KLHL29: variants seen among roughly 807,000 people sequenced by gnomAD.
KLHL29 encodes kelch-like protein 29.
Under a neutral mutation model 80.4 loss-of-function variants are expected in KLHL29, and 21 were observed. The ratio of observed to expected loss-of-function variants is 0.26; its 90% confidence interval spans 0.19 to 0.38. The LOEUF (loss-of-function observed/expected upper bound fraction) is 0.38. Ranked by LOEUF, KLHL29 falls within the 10% of genes least tolerant of loss-of-function variation. KLHL29 has a pLI of 1.00. For missense variants in KLHL29, 867 were observed against 1,223.9 expected, an observed-to-expected ratio of 0.71 and a Z score of 4.35; for synonymous variants, 511 against 526.8, an observed-to-expected ratio of 0.97 and a Z score of 0.41.
Position 23,696,708 on chromosome 2 carries a change from A to C in KLHL29, c.2105+195A>C. ...GTGTGGGATACAAGCAGATGGGATG[A>C]CATCTGTGTCACCTTTGCAGTCGCT... On this transcript the variant is annotated intron_variant, in intron 11 of 13. Coordinates refer to ENST00000486442, the MANE Select transcript of KLHL29 (RefSeq NM_052920.2). This position sits in a 1 kb window ranked among gnomAD's most constrained non-coding sequence, Gnocchi z 5.5. 2 of 531,926 alleles carry C rather than the reference A, an allele frequency of 3.8e-6. No individual in the cohort carries two copies. The highest frequency in any genetic ancestry group is 2.5e-5 in the South Asian group (1 of 39,356). The allele number at this position is 531,926 out of a possible 1,614,324, so 33.0% of individuals were successfully genotyped here. A position where few individuals can be genotyped will look rare whatever the true frequency, so the allele number is the denominator to read the frequency against.
chr2:23,529,996 C>G (rs557933154), intron 2 of KLHL29, among the ~76,000 whole-genome samples: 1 of 151,446 alleles, frequency 6.6e-6, no homozygotes, highest in African/African-American at 2.5e-5. Flanking sequence ...GGCTCAGCTG[C>G]GGCACTTCAG....
intron 5 of KLHL29, among the ~76,000 whole-genome samples, chr2:23,674,645 A>G (rs1298017705): frequency 6.6e-6 from 1 of 152,156 alleles, no homozygotes; most frequent in Admixed American, 6.5e-5. Flanking sequence ...GTTCTTCCAC[A>G]TGAAGACATG....
At position 23,656,861 on chromosome 2, in the gene KLHL29, C is replaced by G. The variant is rs556969522; in HGVS notation, c.940+14011C>G. ...GAAACTCCCTAAGAAGGGCTTGGCC[C>G]TCCCCGCCTGCACGGTGTTTCATCG... On this transcript the variant is annotated intron_variant, in intron 5 of 13. Coordinates refer to ENST00000486442, the MANE Select transcript of KLHL29 (RefSeq NM_052920.2). Among the ~76,000 whole-genome samples, 127 of 151,884 alleles carry G rather than the reference C, an allele frequency of 8.4e-4. 1 individual carries two copies. The highest frequency in any genetic ancestry group is 2.9e-3 in the African/African-American group (122 of 41,388).
At chr2:23,528,000 C>A (rs1162654536) in intron 2 of KLHL29, among the ~76,000 whole-genome samples, 6 of 152,144 alleles carry the variant, frequency 3.9e-5, no homozygotes, top group African/African-American at 1.2e-4. Context: ...GAGTTAATGG[C>A]GGCTGTGAAT....
At chr2:23,446,521 C>A (rs546013186) in intron 1 of KLHL29, among the ~76,000 whole-genome samples, 88 of 152,332 alleles carry the variant, frequency 5.8e-4, no homozygotes, top group African/African-American at 1.9e-3. Context: ...CCTGTGGATA[C>A]TCTAAAAGCT....
At position 23,385,529 on chromosome 2, in the gene KLHL29, C is replaced by A; in HGVS notation, c.-405C>A. 1 of 169,440 alleles carries A rather than the reference C, an allele frequency of 5.9e-6. No individual in the cohort carries two copies. Among genetic ancestry groups the A allele is most frequent in the Non-Finnish European group, 1.4e-5 (1 of 69,740 alleles). 10.5% of individuals were successfully genotyped at this position (169,440 alleles called of 1,614,324 possible). ...ACAGGCTGACAGGCAGGAGGACCGA[C>A]TTCCCTCTCCCGGGCATCCTCCCTG... is the stretch of plus-strand genomic sequence containing the variant. On this transcript the variant is annotated 5_prime_UTR_variant, in exon 1 of 14. Transcript: ENST00000486442.
intron 2 of KLHL29, among the ~76,000 whole-genome samples, chr2:23,549,083 C>T (rs1667057145): frequency 6.6e-6 from 1 of 152,214 alleles, no homozygotes; most frequent in African/African-American, 2.4e-5. Context: ...GCACTGCATT[C>T]ATCAGCGTCC....
intron 2 of KLHL29, among the ~76,000 whole-genome samples, chr2:23,510,397 G>A (rs1362796164): frequency 2.0e-5 from 3 of 152,140 alleles, no homozygotes; most frequent in Non-Finnish European, 4.4e-5. Flanking sequence ...CCCCAGTTGT[G>A]AGCACCTGAC....
chr2:23,701,809 T>C (rs1370471010), intron 11 of KLHL29, among the ~76,000 whole-genome samples: 2 of 143,338 alleles, frequency 1.4e-5, no homozygotes, highest in Non-Finnish European at 3.0e-5. Flanking sequence ...TTTTTTTTTT[T>C]TTTTTTTTTT....
At position 23,461,432 on chromosome 2, in the gene KLHL29, T is replaced by C. The variant is rs144010396; in HGVS notation, c.-153-14128T>C. On this transcript the variant is annotated intron_variant, in intron 1 of 13. Coordinates refer to ENST00000486442, the MANE Select transcript of KLHL29 (RefSeq NM_052920.2). ...ACACTTTTGCAGCTGCTCTAAAAAT[T>C]CTATGCCTCTAGCCTTAAAGAGTAC... is the stretch of plus-strand genomic sequence containing the variant. Among the ~76,000 whole-genome samples, 3 of 152,310 alleles carry C rather than the reference T, an allele frequency of 2.0e-5. No individual in the cohort carries two copies. In the East Asian group the frequency reaches 5.8e-4, roughly 29 times the overall value.
At chr2:23,661,809 T>A (rs1002395955) in intron 5 of KLHL29, among the ~76,000 whole-genome samples, 4 of 152,288 alleles carry the variant, frequency 2.6e-5, no homozygotes, top group Admixed American at 2.6e-4. Context: ...TGCCCCCAAA[T>A]GCATGCTCGA....
intron 1 of KLHL29, among the ~76,000 whole-genome samples, chr2:23,467,374 A>G (rs1184688218): frequency 6.6e-6 from 1 of 152,376 alleles, no homozygotes; most frequent in East Asian, 1.9e-4. Flanking sequence ...CAAGAAAAGC[A>G]GAGTACTTAC....
At chr2:23,585,314 A>G (rs1668091610) in intron 3 of KLHL29, among the ~76,000 whole-genome samples, 1 of 152,218 alleles carries the variant, frequency 6.6e-6, no homozygotes, top group South Asian at 2.1e-4. Context: ...CTTGGAGTCT[A>G]GCGGTGATAG....
chr2:23,706,616 G>A lies in KLHL29; in HGVS notation c.2580G>A (p.Val860=), dbSNP rs1672741820. Residue 860 remains valine (V), a synonymous_variant, in exon 14 of 14, where the codon GTG becomes GTA. Transcript: ENST00000486442. ...WTLLPHMPCP[V]FRHGCVVIKK... is the part of the protein sequence containing the mutation. ...TCCTCCCCCACATGCCCTGCCCTGTGTTCAGACACGGCTGCGTCGTGATAA... is the reference window on the plus strand; with the variant it reads ...TCCTCCCCCACATGCCCTGCCCTGTATTCAGACACGGCTGCGTCGTGATAA... 1 of 1,536,722 alleles carries A rather than the reference G, an allele frequency of 6.5e-7. No homozygotes were observed. Among genetic ancestry groups the A allele is most frequent in the Non-Finnish European group, 8.7e-7 (1 of 1,146,544 alleles).
chr2:23,399,412 T>TA (rs147666476), intron 1 of KLHL29, among the ~76,000 whole-genome samples: 1 of 152,186 alleles, frequency 6.6e-6, no homozygotes. Flanking sequence ...TTCATCACAA[T>TA]AAAAAAATAG....
intron 3 of KLHL29, among the ~76,000 whole-genome samples, chr2:23,628,434 C>T (rs1669378875): frequency 6.6e-6 from 1 of 152,130 alleles, no homozygotes; most frequent in Non-Finnish European, 1.5e-5. Flanking sequence ...AAAGAGCCCA[C>T]TTCTTCCCCT....
In KLHL29 at chr2:23,695,612, G is replaced by A; in HGVS notation, c.1543-11G>A. Reference sequence around the variant, plus strand: ...CTAGTCTAAGAAGATTCTGTCTCCTGTACCCTGCAGTACGCGGCTGAGCTC... The same window carrying A: ...CTAGTCTAAGAAGATTCTGTCTCCTATACCCTGCAGTACGCGGCTGAGCTC... On this transcript the variant is annotated splice_polypyrimidine_tract_variant and intron_variant, in intron 8 of 13. Transcript: ENST00000486442. The surrounding 1 kb of genome is among the most constrained non-coding windows in gnomAD (Gnocchi z 7.6). The A allele has an allele frequency of 2.6e-6, 4 of 1,542,866 alleles. No individual in the cohort carries two copies. In the South Asian group the frequency reaches 3.6e-5, roughly 14 times the overall value.
intron 3 of KLHL29, among the ~76,000 whole-genome samples, chr2:23,580,547 C>T (rs1667956017): frequency 1.7e-5 from 1 of 59,366 alleles, no homozygotes; most frequent in South Asian, 1.0e-3. Flanking sequence ...TGGTGGCAGG[C>T]GCCTGTAGTC....
At chr2:23,481,566 C>T (rs1056420994) in intron 2 of KLHL29, among the ~76,000 whole-genome samples, 2 of 152,174 alleles carry the variant, frequency 1.3e-5, no homozygotes, top group African/African-American at 4.8e-5. Context: ...GTTCTGTAAC[C>T]CCACAATGGG....
Sources: gnomAD v4.1 joint callset for allele counts (sites outside exome capture counted in the v4.1 genomes callset) on GRCh38, gnomAD v4.1.1 for gene constraint, Gnocchi (gnomAD v3.1) non-coding constraint, MANE v1.5 for transcripts, NCBI Gene and HGNC (gene_info 2026-07-23, HGNC 2026-07-21) for gene names.